Variants in ADAMTS19 observed in about 807,000 individuals in gnomAD.
ADAMTS19 encodes A disintegrin and metalloproteinase with thrombospondin motifs 19.
Under a neutral mutation model 153.3 loss-of-function variants are expected in ADAMTS19, and 93 were observed. The observed-to-expected ratio is 0.61, with a 90% CI of 0.51 to 0.72. The LOEUF (loss-of-function observed/expected upper bound fraction) is 0.72. Among genes scored for constraint, ADAMTS19 ranks in the 30% least tolerant of loss-of-function variants. ADAMTS19 has a pLI of 0.00. For synonymous variants in ADAMTS19, 600 were observed against 556.6 expected, an observed-to-expected ratio of 1.08 and a Z score of -1.10; for missense variants, 1,482 against 1,552.1, an observed-to-expected ratio of 0.95 and a Z score of 0.76.
intron 21 of ADAMTS19, among the ~76,000 whole-genome samples, chr5:129,714,676 C>T (rs976025931): frequency 6.6e-6 from 1 of 152,060 alleles, no homozygotes; most frequent in Non-Finnish European, 1.5e-5. Context: ...CACAGCACTT[C>T]TAATATTGGA....
chr5:129,612,287 C>G lies in ADAMTS19; in HGVS notation c.1479-8331C>G, dbSNP rs191004414. On this transcript the variant is annotated intron_variant, in intron 8 of 22. Coordinates refer to ENST00000274487, the MANE Select transcript of ADAMTS19 (RefSeq NM_133638.6). ...ATGGTTTCCAGTTTCATCCATGTCCCTACAAAGGACATGAACGCATCATTT... is the reference window on the plus strand; with the variant it reads ...ATGGTTTCCAGTTTCATCCATGTCCGTACAAAGGACATGAACGCATCATTT... Among the ~76,000 whole-genome samples, 926 of 151,752 alleles carry G rather than the reference C, an allele frequency of 6.1e-3. 12 individuals carry two copies. The highest frequency in any genetic ancestry group is 0.021 in the African/African-American group (889 of 41,362).
At position 129,695,857 on chromosome 5, in the gene ADAMTS19, C is replaced by T. The variant is rs187586755; in HGVS notation, c.2954+1002C>T. On this transcript the variant is annotated intron_variant, in intron 19 of 22. Coordinates refer to ENST00000274487, the MANE Select transcript of ADAMTS19 (RefSeq NM_133638.6). ...TTAGGTAGTCAGAGCATTGATCTTCCCCTCACAAGAGCTTCTGTAATGGCT... is the reference window on the plus strand; with the variant it reads ...TTAGGTAGTCAGAGCATTGATCTTCTCCTCACAAGAGCTTCTGTAATGGCT... Among the ~76,000 whole-genome samples the T allele has an allele frequency of 2.8e-4, 43 of 152,228 alleles. No individual in the cohort carries two copies. In the East Asian group the frequency reaches 7.5e-3, roughly 27 times the overall value.
At chr5:129,646,849 CTTA>C (rs1753085389) in intron 11 of ADAMTS19, among the ~76,000 whole-genome samples, 1 of 152,042 alleles carries the variant, frequency 6.6e-6, no homozygotes, top group Non-Finnish European at 1.5e-5. Context: ...TGTAATCTTA[CTTA>C]TTATTCTCAA....
rs1159069205 is a variant in ADAMTS19, at chr5:129,714,221, C to T, written c.3312+9830C>T. On this transcript the variant is annotated intron_variant, in intron 21 of 22. Transcript: ENST00000274487. ...GATCATGAGGTCAGGAGATCGAGAC[C>T]ATCCTGGCTAACAAGGTGAAACCCC... is the stretch of plus-strand genomic sequence containing the variant. 6.6e-5 allele frequency among the ~76,000 whole-genome samples: 10 copies of T among 151,004 alleles called. 1 individual carries two copies. Among genetic ancestry groups the T allele is most frequent in the Admixed American group, 6.6e-4 (10 of 15,156 alleles).
chr5:129,639,578 A>G (rs1358495959), intron 10 of ADAMTS19, among the ~76,000 whole-genome samples: 1 of 152,198 alleles, frequency 6.6e-6, no homozygotes, highest in African/African-American at 2.4e-5. Flanking sequence ...GCCGTTTCAA[A>G]TAGCAGCAGA....
chr5:129,574,261 A>C (rs1754017510), intron 7 of ADAMTS19, among the ~76,000 whole-genome samples: 1 of 152,132 alleles, frequency 6.6e-6, no homozygotes, highest in Admixed American at 6.6e-5. Flanking sequence ...TGAATGTCAG[A>C]AAAGACAACT....
At chr5:129,691,924 A>C (rs375344903) in intron 18 of ADAMTS19, among the ~76,000 whole-genome samples, 1 of 152,148 alleles carries the variant, frequency 6.6e-6, no homozygotes, top group East Asian at 1.9e-4. Flanking sequence ...AAGCATTATA[A>C]TCAGCCTTGG....
chr5:129,658,339 AAG>A (rs1378724759), intron 14 of ADAMTS19, among the ~76,000 whole-genome samples: 1 of 109,174 alleles, frequency 9.2e-6, no homozygotes, highest in Non-Finnish European at 1.9e-5. Context: ...GAAAGAAAGA[AAG>A]AAAGAAAGAA....
chr5:129,717,027 T>G (rs1194092622), intron 21 of ADAMTS19, among the ~76,000 whole-genome samples: 1 of 152,236 alleles, frequency 6.6e-6, no homozygotes, highest in Non-Finnish European at 1.5e-5. Flanking sequence ...TGCCTACAAT[T>G]TGTTTCTTCC....
At chr5:129,519,415 G>T (rs1751716470) in intron 3 of ADAMTS19, among the ~76,000 whole-genome samples, 1 of 152,052 alleles carries the variant, frequency 6.6e-6, no homozygotes, top group Admixed American at 6.6e-5. Flanking sequence ...TCTCTTTGGA[G>T]CCACCAGCTA....
At chr5:129,632,265 A>G (rs749830730) in intron 10 of ADAMTS19, among the ~76,000 whole-genome samples, 1 of 151,930 alleles carries the variant, frequency 6.6e-6, no homozygotes, top group African/African-American at 2.4e-5. Context: ...TTATAGTACT[A>G]TTTCATTTGG....
chr5:129,522,192 A>AT lies in ADAMTS19; in HGVS notation c.914-4092_914-4091insT, dbSNP rs1554089276. ...ATCTAGAAAGGTGATGTTGAAAAAA[A>AT]ATATATATATATATACACACACATA... On this transcript the variant is annotated intron_variant, in intron 3 of 22. Coordinates refer to ENST00000274487, the MANE Select transcript of ADAMTS19 (RefSeq NM_133638.6). Among the ~76,000 whole-genome samples the AT allele has an allele frequency of 2.2e-3, 320 of 148,162 alleles. 1 individual carries two copies. The highest frequency in any genetic ancestry group is 7.0e-3 in the African/African-American group (285 of 40,470).
At chr5:129,523,564 C>T (rs1285722132) in intron 3 of ADAMTS19, among the ~76,000 whole-genome samples, 1 of 152,106 alleles carries the variant, frequency 6.6e-6, no homozygotes, top group Admixed American at 6.6e-5. Flanking sequence ...ACATGAATGG[C>T]TGCATAATGT....
intron 2 of ADAMTS19, among the ~76,000 whole-genome samples, chr5:129,472,479 C>T (rs1026679083): frequency 2.6e-5 from 4 of 152,070 alleles, no homozygotes; most frequent in African/African-American, 9.7e-5. Context: ...TCCCAGAAAC[C>T]GACTCAGATG....
At chr5:129,699,327 G>A (rs1193109878) in intron 19 of ADAMTS19, among the ~76,000 whole-genome samples, 1 of 151,774 alleles carries the variant, frequency 6.6e-6, no homozygotes, top group Non-Finnish European at 1.5e-5. Flanking sequence ...GGAGGCTGAG[G>A]CAGGAGAACA....
At chr5:129,632,584 A>G (rs1442448037) in intron 10 of ADAMTS19, among the ~76,000 whole-genome samples, 2 of 151,974 alleles carry the variant, frequency 1.3e-5, no homozygotes, top group African/African-American at 4.8e-5. Context: ...TTGGGTTGCT[A>G]ATGACAAATT....
At chr5:129,678,001 T>C (rs1754626572) in intron 16 of ADAMTS19, among the ~76,000 whole-genome samples, 1 of 152,098 alleles carries the variant, frequency 6.6e-6, no homozygotes, top group Non-Finnish European at 1.5e-5. Context: ...TTTGTAGAGA[T>C]GGGGTTTTGC....
At chr5:129,535,421 C>A (rs1432970691) in intron 6 of ADAMTS19, among the ~76,000 whole-genome samples, 1 of 152,122 alleles carries the variant, frequency 6.6e-6, no homozygotes, top group African/African-American at 2.4e-5. Flanking sequence ...AGAATACAAA[C>A]AAATGGAAGA....
chr5:129,494,961 C>T (rs1343740138), intron 2 of ADAMTS19, among the ~76,000 whole-genome samples: 1 of 152,008 alleles, frequency 6.6e-6, no homozygotes, highest in African/African-American at 2.4e-5. Context: ...AAAATACCAC[C>T]ATCTTCTGTG....
Sources: gnomAD v4.1 joint callset for allele counts (sites outside exome capture counted in the v4.1 genomes callset) on GRCh38, gnomAD v4.1.1 for gene constraint, MANE v1.5 for transcripts, NCBI Gene and HGNC (gene_info 2026-07-23, HGNC 2026-07-21) for gene names.